Variants in TUBD1 observed in about 807,000 individuals in gnomAD.
TUBD1 encodes the protein tubulin delta chain.
TUBD1 carries 38 observed loss-of-function variants against 51.2 expected under a neutral mutation model. The ratio of observed to expected loss-of-function variants is 0.74; its 90% CI spans 0.57 to 0.97. TUBD1 has a LOEUF of 0.97. Among genes scored for constraint, TUBD1 ranks in the 50% least tolerant of loss-of-function variants. The pLI is 0.00. For synonymous variants in TUBD1, 169 were observed against 178.2 expected (o/e 0.95, Z 0.41); for missense variants, 489 against 538.4 (o/e 0.91, Z 0.91).
At chr17:59,872,620 G>C (rs1040566683) in intron 6 of TUBD1, among the ~76,000 whole-genome samples, 1 of 151,934 alleles carries the variant, frequency 6.6e-6, no homozygotes, top group Non-Finnish European at 1.5e-5. Flanking sequence ...TTAGAAGAAT[G>C]AAGGTAATTG....
intron 2 of TUBD1, among the ~76,000 whole-genome samples, chr17:59,888,388 G>C (rs1477107935): frequency 2.0e-5 from 3 of 152,176 alleles, no homozygotes; most frequent in African/African-American, 7.2e-5. Context: ...GGGAAGAACA[G>C]TTTCAAGGAG....
intron 4 of TUBD1, 132 bp from the exon 5 acceptor site, chr17:59,878,466 T>G: frequency 1.6e-6 from 1 of 633,670 alleles, no homozygotes; most frequent in Non-Finnish European, 2.7e-6. Context: ...TGGACAAGTT[T>G]TTTAATCTCT....
chr17:59,871,891 G>C (rs1045727132), intron 6 of TUBD1, among the ~76,000 whole-genome samples: 3 of 151,814 alleles, frequency 2.0e-5, no homozygotes, highest in Admixed American at 6.6e-5. Flanking sequence ...AAATCCCTTG[G>C]TTCAAGGGAT....
At chr17:59,875,745 C>CAA (rs34745648) in intron 5 of TUBD1, among the ~76,000 whole-genome samples, 35 of 124,438 alleles carry the variant, frequency 2.8e-4, no homozygotes, top group East Asian at 1.3e-3. Context: ...GACTCTGTCT[C>CAA]AAAAAAAAAA....
At chr17:59,872,907 C>T (rs2040060042) in intron 6 of TUBD1, among the ~76,000 whole-genome samples, 1 of 151,978 alleles carries the variant, frequency 6.6e-6, no homozygotes, top group South Asian at 2.1e-4. Context: ...TTACAGGCGA[C>T]TGCCACCACG....
intron 1 of TUBD1, among the ~76,000 whole-genome samples, chr17:59,892,170 T>G (rs1203771577): frequency 6.6e-6 from 1 of 152,214 alleles, no homozygotes; most frequent in Non-Finnish European, 1.5e-5. Context: ...CTGGTAACTT[T>G]AGTAAGACCT....
intron 4 of TUBD1, 31 bp from the exon 5 acceptor site, chr17:59,878,365 G>T: frequency 6.7e-7 from 1 of 1,498,602 alleles, no homozygotes; most frequent in Admixed American, 1.7e-5. Context: ...AAAAAGAAAG[G>T]TAGGAGAGAA....
chr17:59,870,044 G>A (rs77701315), intron 6 of TUBD1, among the ~76,000 whole-genome samples: 6,417 of 152,052 alleles, frequency 0.042, 475 homozygotes, highest in African/African-American at 0.15. Flanking sequence ...TTGAGGTCCT[G>A]GAAGTAGACC....
At chr17:59,871,743 C>G (rs948153200) in intron 6 of TUBD1, among the ~76,000 whole-genome samples, 4 of 152,018 alleles carry the variant, frequency 2.6e-5, no homozygotes, top group African/African-American at 9.7e-5. Flanking sequence ...TGTCTCTAGG[C>G]AGATAATGGA....
chr17:59,872,161 C>T (rs745370227), intron 6 of TUBD1, among the ~76,000 whole-genome samples: 12 of 152,036 alleles, frequency 7.9e-5, no homozygotes, highest in South Asian at 4.2e-4. Context: ...CTACTACATC[C>T]GTGTTAGCCA....
At chr17:59,872,852 T>C (rs537841659) in intron 6 of TUBD1, among the ~76,000 whole-genome samples, 4 of 151,844 alleles carry the variant, frequency 2.6e-5, no homozygotes, top group Admixed American at 1.3e-4. Context: ...CTGTAACCTC[T>C]GCCTCCCGGG....
At chr17:59,883,027 C>T (rs539982208) in intron 3 of TUBD1, among the ~76,000 whole-genome samples, 52 of 150,922 alleles carry the variant, frequency 3.4e-4, no homozygotes, top group African/African-American at 7.8e-4. Flanking sequence ...TCAAGTAATC[C>T]GCCCTCCTTG....
At chr17:59,863,944 CTTTTA>C in intron 7 of TUBD1, 97 bp from the exon 8 acceptor site, 2 of 1,109,146 alleles carry the variant, frequency 1.8e-6, no homozygotes, top group East Asian at 3.1e-5. Flanking sequence ...CATCAGAGAT[CTTTTA>C]TTTTGCCTTT....
intron 3 of TUBD1, chr17:59,885,672 A>G: frequency 1.6e-6 from 1 of 629,280 alleles, no homozygotes; most frequent in South Asian, 2.0e-5. Context: ...AAACAAAACA[A>G]AACAAAAATC....
intron 7 of TUBD1, 80 bp downstream of exon 7, chr17:59,866,529 G>T: frequency 6.5e-7 from 1 of 1,532,228 alleles, no homozygotes; most frequent in East Asian, 2.3e-5. Flanking sequence ...AAGAACACAG[G>T]GACTTTTTAA....
chr17:59,882,081 CT>C (rs1555637109), intron 3 of TUBD1, among the ~76,000 whole-genome samples: 2 of 109,446 alleles, frequency 1.8e-5, no homozygotes, highest in Non-Finnish European at 3.6e-5. Flanking sequence ...CCATTAGCAA[CT>C]TCTTTTTTTT....
At chr17:59,861,898 T>C (rs999865391) in intron 8 of TUBD1, among the ~76,000 whole-genome samples, 10 of 151,060 alleles carry the variant, frequency 6.6e-5, no homozygotes, top group African/African-American at 2.4e-4. Context: ...AAACTCCTGA[T>C]CTTGTGATTC....
intron 6 of TUBD1, 137 bp from the exon 7 acceptor site, chr17:59,866,886 C>T (rs905285934): frequency 2.5e-4 from 161 of 656,060 alleles, no homozygotes; most frequent in Non-Finnish European, 2.5e-4. Flanking sequence ...CAGGATCAAG[C>T]GATTCTCCTG....
chr17:59,866,901 A>G, intron 6 of TUBD1, 152 bp from the exon 7 acceptor site: 1 of 612,972 alleles, frequency 1.6e-6, no homozygotes. Flanking sequence ...CTCCTGCCTC[A>G]GTCTCCCCCA....
Sources: allele counts gnomAD v4.1 joint callset (sites outside exome capture counted in the v4.1 genomes callset), GRCh38; gene constraint gnomAD v4.1.1; transcripts MANE v1.5; gene names NCBI Gene and HGNC (gene_info 2026-07-23, HGNC 2026-07-21).